The following SLC7A2 variants were observed in gnomAD, a reference collection of about 807,000 sequenced individuals.
SLC7A2 encodes solute carrier family 7 member 2.
Under a neutral mutation model 58.9 loss-of-function variants are expected in SLC7A2, and 48 were observed. The observed-to-expected ratio is 0.82, with a 90% CI of 0.65 to 1.04. The LOEUF (loss-of-function observed/expected upper bound fraction) is 1.04. Among genes scored for constraint, SLC7A2 ranks in the 50% least tolerant of loss-of-function variants. The pLI is 0.00. For missense variants in SLC7A2, 1,029 were observed against 818.8 expected, an observed-to-expected ratio of 1.26 and a Z score of -3.13; for synonymous variants, 363 against 314.5, an observed-to-expected ratio of 1.15 and a Z score of -1.63.
chr8:17,497,379 C>G (rs911645984), intron 1 of SLC7A2, 142 bp downstream of exon 1: 16 of 152,190 alleles, frequency 1.1e-4, no homozygotes, highest in African/African-American at 3.9e-4. Context: ...GGGGACGAGT[C>G]CAGCTGCGCG....
rs1171263895 is a variant in SLC7A2, at chr8:17,505,342, G to T, written c.-23+3040G>T. ...AGCAGGATGGGGCCTTCTTGGTCAT[G>T]CATCCTTTCCTCTTGCTGAAGAAGA... On this transcript the variant is annotated intron_variant, in intron 2 of 12. Coordinates refer to ENST00000494857, the MANE Select transcript of SLC7A2 (RefSeq NM_001370338.1). 2.0e-5 allele frequency among the ~76,000 whole-genome samples: 3 copies of T among 152,150 alleles called. No individual in the cohort carries two copies. In the East Asian group the frequency reaches 5.8e-4, roughly 29 times the overall value.
At chr8:17,503,382 T>C (rs1800245078) in intron 2 of SLC7A2, among the ~76,000 whole-genome samples, 1 of 152,162 alleles carries the variant, frequency 6.6e-6, no homozygotes, top group Non-Finnish European at 1.5e-5. Flanking sequence ...ATTTTATGCT[T>C]CAGAAGGGTG....
At chr8:17,507,941 G>A (rs542408987) in intron 2 of SLC7A2, among the ~76,000 whole-genome samples, 1 of 152,208 alleles carries the variant, frequency 6.6e-6, no homozygotes, top group East Asian at 1.9e-4. Context: ...ATATGAACAA[G>A]TTTATTAAAT....
intron 7 of SLC7A2, among the ~76,000 whole-genome samples, chr8:17,552,870 G>C (rs2244738): frequency 0.76 from 116,332 of 152,094 alleles, 44,654 homozygotes; most frequent in East Asian, 0.94. Flanking sequence ...AATCTTTTTG[G>C]CAGATTAGTA....
chr8:17,534,806 A>G (rs74605278), intron 2 of SLC7A2, among the ~76,000 whole-genome samples: 2,454 of 152,036 alleles, frequency 0.016, 56 homozygotes, highest in South Asian at 0.097. Flanking sequence ...TGTAAACTAT[A>G]TGGCATGTAA....
intron 2 of SLC7A2, among the ~76,000 whole-genome samples, chr8:17,523,160 AGGAG>A (rs1161304686): frequency 1.3e-5 from 2 of 152,188 alleles, no homozygotes; most frequent in African/African-American, 4.8e-5. Context: ...TTTAAAAAAA[AGGAG>A]GGAGAAAAAA....
intron 4 of SLC7A2, among the ~76,000 whole-genome samples, chr8:17,547,375 C>G (rs1174964391): frequency 2.0e-5 from 3 of 152,086 alleles, no homozygotes; most frequent in African/African-American, 7.2e-5. Context: ...CAGTTACCTC[C>G]CACTGGGTCC....
chr8:17,542,433 G>A (rs975079431), intron 2 of SLC7A2, among the ~76,000 whole-genome samples: 7 of 152,118 alleles, frequency 4.6e-5, no homozygotes, highest in Non-Finnish European at 8.8e-5. Context: ...GTAGGACTGC[G>A]TGAGCCCATG....
intron 1 of SLC7A2, among the ~76,000 whole-genome samples, 151 bp from the exon 2 acceptor site, chr8:17,502,106 T>G (rs929246283): frequency 1.3e-5 from 2 of 151,518 alleles, no homozygotes; most frequent in East Asian, 3.9e-4. Flanking sequence ...TATATATAAT[T>G]ATATATATAC....
intron 8 of SLC7A2, chr8:17,555,107 T>G: frequency 6.2e-7 from 1 of 1,611,846 alleles, no homozygotes; most frequent in Non-Finnish European, 8.5e-7. Flanking sequence ...CTTAGGTTTC[T>G]TGAGCATTAG....
At chr8:17,529,780 G>T (rs562079805) in intron 2 of SLC7A2, among the ~76,000 whole-genome samples, 1 of 152,008 alleles carries the variant, frequency 6.6e-6, no homozygotes, top group South Asian at 2.1e-4. Context: ...CAAGTAATCC[G>T]CCCACCTTGG....
At position 17,544,439 on chromosome 8, in the gene SLC7A2, T is replaced by G. The variant is rs1178372396; in HGVS notation, c.377-12T>G. 6.2e-7 allele frequency: 1 copy of G among 1,611,514 alleles called. No individual in the cohort carries two copies. The highest frequency in any genetic ancestry group is 1.3e-5 in the African/African-American group (1 of 74,888). The stretch of plus-strand genomic sequence containing the variant: ...CCCAGTGACTTCGTATTCTCTGTTC[T>G]GTTTTGGGAAGGTACATCAAGTGTT... On this transcript the variant is annotated splice_polypyrimidine_tract_variant and intron_variant, in intron 3 of 12. Transcript: ENST00000494857.
intron 2 of SLC7A2, chr8:17,539,041 CT>C (rs1384823097): frequency 2.4e-6 from 2 of 827,796 alleles, no homozygotes; most frequent in African/African-American, 3.5e-5. Flanking sequence ...CAACTTCAAA[CT>C]TTTGAACTAA....
At chr8:17,551,715 C>T (rs1471603492) in intron 6 of SLC7A2, 49 bp from the exon 7 acceptor site, 2 of 1,314,650 alleles carry the variant, frequency 1.5e-6, no homozygotes, top group South Asian at 2.4e-5. Flanking sequence ...ATTTCTTTAC[C>T]TGTTGATGTT....
chr8:17,543,650 A>G lies in SLC7A2; in HGVS notation c.311A>G (p.Tyr104Cys). ...ACGGGGTCTGCATATTTGTACACCT[A>G]CGTGACTGTCGGAGAGCTGTGGGCC... Reference protein sequence around the residue: ...PKTGSAYLYTYVTVGELWAFI... With the variant: ...PKTGSAYLYTCVTVGELWAFI... The change falls in exon 3 of 13, where the codon TAC (tyrosine) becomes TGC (cysteine). Residue 104 changes from tyrosine to cysteine, a missense_variant. Transcript: ENST00000494857. 6 of 1,554,538 alleles carry G rather than the reference A, an allele frequency of 3.9e-6. No homozygotes were observed. The highest frequency in any genetic ancestry group is 5.2e-6 in the Non-Finnish European group (6 of 1,152,118).
intron 6 of SLC7A2, 81 bp from the exon 7 acceptor site, chr8:17,551,683 A>G: frequency 2.0e-6 from 2 of 1,007,728 alleles, no homozygotes; most frequent in Non-Finnish European, 3.2e-6. Flanking sequence ...CCTGGAGAAG[A>G]GGAAGAATTT....
intron 1 of SLC7A2, chr8:17,499,040 G>C (rs978990004): frequency 6.6e-6 from 1 of 152,132 alleles, no homozygotes; most frequent in African/African-American, 2.4e-5. Context: ...CACCTTTGCA[G>C]AGTGGAAGTG....
intron 2 of SLC7A2, among the ~76,000 whole-genome samples, chr8:17,542,099 G>A (rs1334342486): frequency 6.6e-6 from 1 of 152,154 alleles, no homozygotes; most frequent in Non-Finnish European, 1.5e-5. Flanking sequence ...AAGCATAGTT[G>A]AATAGCACTT....
At chr8:17,551,588 A>G (rs758706847) in intron 6 of SLC7A2, among the ~76,000 whole-genome samples, 176 bp from the exon 7 acceptor site, 1 of 152,090 alleles carries the variant, frequency 6.6e-6, no homozygotes, top group Non-Finnish European at 1.5e-5. Context: ...ACAGAGCAAG[A>G]CTCTGTCTCA....
Sources: allele counts gnomAD v4.1 joint callset (sites outside exome capture counted in the v4.1 genomes callset), GRCh38; gene constraint gnomAD v4.1.1; transcripts MANE v1.5; gene names NCBI Gene and HGNC (gene_info 2026-07-23, HGNC 2026-07-21).